Variants in ASTN2 observed in about 807,000 individuals in gnomAD.
The protein encoded by ASTN2 is astrotactin-2.
ASTN2 carries 54 observed loss-of-function variants against 139.8 expected under a neutral mutation model. The ratio of observed to expected loss-of-function variants is 0.39; its 90% confidence interval spans 0.31 to 0.48. The LOEUF is 0.48. Among genes scored for constraint, ASTN2 ranks in the 20% least tolerant of loss-of-function variants. ASTN2 has a pLI of 0.95. For missense variants in ASTN2, 1,565 were observed against 1,725.1 expected, an observed-to-expected ratio of 0.91 and a Z score of 1.64; for synonymous variants, 756 against 719.5, an observed-to-expected ratio of 1.05 and a Z score of -0.81.
intron 1 of ASTN2, among the ~76,000 whole-genome samples, chr9:117,325,003 C>T (rs186819579): frequency 4.4e-4 from 67 of 152,260 alleles, no homozygotes; most frequent in Admixed American, 3.5e-3. Context: ...GCTGGGAATT[C>T]TGAGAGGCGG....
At chr9:116,556,649 T>G (rs62574413) in intron 19 of ASTN2, among the ~76,000 whole-genome samples, 1 of 152,030 alleles carries the variant, frequency 6.6e-6, no homozygotes, top group Non-Finnish European at 1.5e-5. Flanking sequence ...TGACTCAATT[T>G]GACGATGACC....
intron 14 of ASTN2, among the ~76,000 whole-genome samples, chr9:116,731,829 C>A (rs1828793214): frequency 6.6e-6 from 1 of 152,166 alleles, no homozygotes; most frequent in Admixed American, 6.5e-5. Context: ...TAAAGCACAG[C>A]ACCTCCTCAC....
chr9:116,721,704 T>G (rs1183463006), intron 16 of ASTN2, among the ~76,000 whole-genome samples: 2 of 152,270 alleles, frequency 1.3e-5, no homozygotes, highest in Non-Finnish European at 2.9e-5. Context: ...CATTAGATTC[T>G]ACCTTATTGA....
chr9:116,803,490 A>T (rs1180834890), intron 13 of ASTN2, among the ~76,000 whole-genome samples: 1 of 7,892 alleles, frequency 1.3e-4, no homozygotes, highest in African/African-American at 4.8e-4. Context: ...TAATATATAT[A>T]TATATATATA....
intron 10 of ASTN2, among the ~76,000 whole-genome samples, chr9:116,879,876 A>G (rs966895773): frequency 1.3e-5 from 2 of 152,228 alleles, no homozygotes; most frequent in Non-Finnish European, 2.9e-5. Flanking sequence ...TTCCAATCTG[A>G]TGAAGCCTAT....
At chr9:116,495,598 C>T (rs777778087) in intron 19 of ASTN2, among the ~76,000 whole-genome samples, 3 of 152,148 alleles carry the variant, frequency 2.0e-5, no homozygotes, top group Non-Finnish European at 4.4e-5. Flanking sequence ...GTTTTCTGTT[C>T]CTTGCAATCA....
chr9:116,681,511 T>C (rs912525868), intron 16 of ASTN2, among the ~76,000 whole-genome samples: 1 of 152,144 alleles, frequency 6.6e-6, no homozygotes, highest in Non-Finnish European at 1.5e-5. Flanking sequence ...CTTCATAGAA[T>C]TGGAAAAAAC....
chr9:117,267,290 G>T (rs1193283992), intron 2 of ASTN2, among the ~76,000 whole-genome samples: 1 of 152,182 alleles, frequency 6.6e-6, no homozygotes, highest in Non-Finnish European at 1.5e-5. Flanking sequence ...GCTAAATATG[G>T]TATCCTGGAT....
At chr9:116,619,689 T>TG (rs1856031472) in intron 18 of ASTN2, among the ~76,000 whole-genome samples, 1 of 72,034 alleles carries the variant, frequency 1.4e-5, no homozygotes, top group African/African-American at 5.4e-5. Context: ...ACACGGGCTA[T>TG]TTTTTTTTTT....
intron 10 of ASTN2, among the ~76,000 whole-genome samples, chr9:116,947,947 A>G (rs979502955): frequency 7.9e-5 from 12 of 152,204 alleles, no homozygotes; most frequent in Non-Finnish European, 7.3e-5. Flanking sequence ...CTTTAAATTC[A>G]GAATGTGCTC....
At chr9:116,669,970 A>G (rs1336345409) in intron 16 of ASTN2, among the ~76,000 whole-genome samples, 1 of 151,724 alleles carries the variant, frequency 6.6e-6, no homozygotes, top group African/African-American at 2.4e-5. Context: ...ACGCCCAGCT[A>G]ATTTTTGTAT....
chr9:117,414,335 G>T lies in ASTN2; in HGVS notation c.442+162C>A, dbSNP rs755090421. 6.6e-6 allele frequency among the ~76,000 whole-genome samples: 1 copy of T among 152,148 alleles called. No individual in the cohort carries two copies. Among genetic ancestry groups the T allele is most frequent in the African/African-American group, 2.4e-5 (1 of 41,456 alleles). Reference sequence around the variant, plus strand: ...CTCCAGGACCTCCTCCCACATGCTCGTTTCCAACCACCTGTGCGACCTCTG... The same window carrying T: ...CTCCAGGACCTCCTCCCACATGCTCTTTTCCAACCACCTGTGCGACCTCTG... On this transcript the variant is annotated intron_variant, in intron 1 of 22. Transcript: ENST00000313400. The surrounding 1 kb of genome is among the most constrained non-coding windows in gnomAD (Gnocchi z 4.2).
chr9:116,795,093 C>T (rs1320350533), intron 13 of ASTN2, among the ~76,000 whole-genome samples: 1 of 152,212 alleles, frequency 6.6e-6, no homozygotes, highest in East Asian at 1.9e-4. Context: ...TCTCTGGCCT[C>T]AGCCTCCCAT....
intron 2 of ASTN2, among the ~76,000 whole-genome samples, chr9:117,224,140 C>T (rs928589047): frequency 3.3e-5 from 5 of 152,118 alleles, no homozygotes; most frequent in African/African-American, 9.7e-5. Flanking sequence ...AGCGTTTTCC[C>T]GTAAGTTAGA....
At chr9:117,319,702 C>T (rs998015702) in intron 1 of ASTN2, among the ~76,000 whole-genome samples, 3 of 151,970 alleles carry the variant, frequency 2.0e-5, no homozygotes, top group African/African-American at 7.3e-5. Context: ...TCCCAACATG[C>T]TGGGATTACA....
At chr9:116,591,382 C>T (rs751105379) in intron 19 of ASTN2, among the ~76,000 whole-genome samples, 1 of 152,210 alleles carries the variant, frequency 6.6e-6, no homozygotes, top group Non-Finnish European at 1.5e-5. Context: ...GCAGTAGCTG[C>T]ACCCCACACC....
intron 19 of ASTN2, among the ~76,000 whole-genome samples, chr9:116,574,874 C>T (rs1002410386): frequency 2.0e-5 from 3 of 152,242 alleles, no homozygotes; most frequent in South Asian, 2.1e-4. Context: ...CCAACTGGTA[C>T]GGGCTCAAAA....
chr9:117,027,877 A>G (rs1000460939), intron 6 of ASTN2, among the ~76,000 whole-genome samples: 8 of 152,068 alleles, frequency 5.3e-5, no homozygotes, highest in African/African-American at 1.9e-4. Flanking sequence ...GCCACTCTCT[A>G]TTTCACCCTC....
chr9:116,490,373 G>A (rs772313387), intron 19 of ASTN2, among the ~76,000 whole-genome samples: 2 of 149,194 alleles, frequency 1.3e-5, no homozygotes, highest in African/African-American at 4.9e-5. Flanking sequence ...GATGGAGTGA[G>A]GGTCTTATTT....
Sources: gnomAD v4.1 joint callset for allele counts (sites outside exome capture counted in the v4.1 genomes callset) on GRCh38, gnomAD v4.1.1 for gene constraint, Gnocchi (gnomAD v3.1) non-coding constraint, MANE v1.5 for transcripts, NCBI Gene and HGNC (gene_info 2026-07-23, HGNC 2026-07-21) for gene names.